The following ADAMTS17 variants were observed in gnomAD, a reference collection of about 807,000 sequenced individuals.
The protein encoded by ADAMTS17 is ADAM metallopeptidase with thrombospondin type 1 motif 17.
In ADAMTS17, 113 loss-of-function variants were observed where a neutral mutation model predicts 141.5. The ratio of observed to expected loss-of-function variants is 0.80; its 90% CI spans 0.69 to 0.93. The LOEUF (loss-of-function observed/expected upper bound fraction) is 0.93, where lower values mean the gene tolerates loss of function less well. Ranked by LOEUF, ADAMTS17 falls within the 40% of genes least tolerant of loss-of-function variation. The pLI is 0.00. For synonymous variants in ADAMTS17, 768 were observed against 630.6 expected, an observed-to-expected ratio of 1.22 and a Z score of -3.27; for missense variants, 1,659 against 1,517.9, an observed-to-expected ratio of 1.09 and a Z score of -1.54.
At chr15:100,022,945 G>A (rs2061431691) in intron 18 of ADAMTS17, among the ~76,000 whole-genome samples, 1 of 151,922 alleles carries the variant, frequency 6.6e-6, no homozygotes, top group Non-Finnish European at 1.5e-5. Context: ...CAAGTATCTT[G>A]TCACATGATC....
chr15:100,049,130 G>C (rs1173359056), intron 17 of ADAMTS17, 138 bp from the exon 18 acceptor site: 15 of 1,340,714 alleles, frequency 1.1e-5, no homozygotes, highest in Non-Finnish European at 1.5e-5. Context: ...TAAATGTCAT[G>C]TGGGTTTTTA....
rs1489610576 is a variant in ADAMTS17 at position 99,971,717 on chromosome 15, A to G, written c.*2685T>C. 6.6e-6 allele frequency: 1 copy of G among 152,230 alleles called. No individual in the cohort carries two copies. Among genetic ancestry groups the G allele is most frequent in the Non-Finnish European group, 1.5e-5 (1 of 68,046 alleles). 9.4% of individuals were successfully genotyped at this position (152,230 alleles called of 1,614,324 possible). Reference sequence around the variant, plus strand: ...ATTCTGATCCTATCCAGCAACGGTCAGCTGAGAGGGTTTAATTTTGCACCA... The same window carrying G: ...ATTCTGATCCTATCCAGCAACGGTCGGCTGAGAGGGTTTAATTTTGCACCA... On this transcript the variant is annotated 3_prime_UTR_variant, in exon 22 of 22. Transcript: ENST00000268070.
intron 15 of ADAMTS17, among the ~76,000 whole-genome samples, chr15:100,068,611 C>T (rs932125322): frequency 2.0e-5 from 3 of 152,236 alleles, no homozygotes; most frequent in African/African-American, 7.2e-5. Flanking sequence ...CGTTGTTCTG[C>T]AGCCTCTGCT....
chr15:100,242,918 T>C (rs956332375), intron 7 of ADAMTS17, among the ~76,000 whole-genome samples: 2 of 152,196 alleles, frequency 1.3e-5, no homozygotes, highest in East Asian at 3.8e-4. Flanking sequence ...ATCACCACCG[T>C]CCACCTACAG....
intron 14 of ADAMTS17, among the ~76,000 whole-genome samples, chr15:100,098,868 C>T (rs1329339893): frequency 6.6e-6 from 1 of 152,218 alleles, no homozygotes; most frequent in East Asian, 1.9e-4. Context: ...GTCTCTCCCA[C>T]TGGCCTCTTT....
intron 15 of ADAMTS17, among the ~76,000 whole-genome samples, chr15:100,064,034 T>C: frequency 6.6e-6 from 1 of 152,140 alleles, no homozygotes; most frequent in Admixed American, 6.5e-5. Flanking sequence ...AACCAGAACA[T>C]CAGCATGTGA....
At chr15:100,130,291 G>A (rs545380668) in intron 12 of ADAMTS17, among the ~76,000 whole-genome samples, 6 of 151,926 alleles carry the variant, frequency 3.9e-5, no homozygotes, top group African/African-American at 1.4e-4. Context: ...TTGAAGCAGG[G>A]AGGCGGAGGT....
intron 8 of ADAMTS17, among the ~76,000 whole-genome samples, chr15:100,156,627 T>C (rs1165694166): frequency 6.6e-6 from 1 of 152,184 alleles, no homozygotes; most frequent in Admixed American, 6.5e-5. Flanking sequence ...TGTGGCTACA[T>C]GTTGGGTTAA....
rs543118609 is a variant in ADAMTS17, at chr15:99,976,085, G to A, written c.3087C>T (p.Asn1029=). The change falls in exon 21 of 22, where the codon AAC becomes AAT. Residue 1029 remains asparagine, a synonymous_variant. Transcript: ENST00000268070. ...PYRQCYQEVC[N]DRINANTITS... ...TGATGGTGTTGGCGTTGATCCTGTC[G>A]TTGCAGACCTCCTGGTAGCACTGTC... 3.0e-5 allele frequency: 47 copies of A among 1,551,746 alleles called. No individual in the cohort carries two copies. Among genetic ancestry groups the A allele is most frequent in the Middle Eastern group, 1.7e-4 (1 of 5,988 alleles).
intron 10 of ADAMTS17, among the ~76,000 whole-genome samples, chr15:100,146,625 A>G (rs149240928): frequency 0.058 from 7,254 of 125,960 alleles, 218 homozygotes; most frequent in South Asian, 0.1. Context: ...TTCAGGGAAT[A>G]AGAGAGATAA....
intron 3 of ADAMTS17, among the ~76,000 whole-genome samples, chr15:100,320,804 G>C (rs2045710214): frequency 6.6e-6 from 1 of 152,148 alleles, no homozygotes. Context: ...CTGCACTCCA[G>C]CATGGGAGAC....
chr15:100,047,860 C>G (rs1344879902), intron 18 of ADAMTS17, among the ~76,000 whole-genome samples: 1 of 152,154 alleles, frequency 6.6e-6, no homozygotes, highest in East Asian at 1.9e-4. Context: ...CCGAGGTGCT[C>G]AAGCAGATTT....
chr15:100,110,248 TATAA>T (rs905167366), intron 13 of ADAMTS17, among the ~76,000 whole-genome samples: 4 of 145,272 alleles, frequency 2.8e-5, no homozygotes, highest in African/African-American at 7.5e-5. Flanking sequence ...TATATATATA[TATAA>T]ATACATATAT....
chr15:100,198,987 T>C (rs970505541), intron 8 of ADAMTS17, among the ~76,000 whole-genome samples: 1 of 152,238 alleles, frequency 6.6e-6, no homozygotes, highest in African/African-American at 2.4e-5. Flanking sequence ...ATGTGAATAA[T>C]AGACTTAGAG....
intron 3 of ADAMTS17, among the ~76,000 whole-genome samples, chr15:100,283,558 T>C (rs2044352075): frequency 6.6e-6 from 1 of 152,234 alleles, no homozygotes; most frequent in Non-Finnish European, 1.5e-5. Context: ...CTTCTCAAAG[T>C]CAGTGTTGAT....
chr15:100,238,497 G>A (rs1365917634), intron 7 of ADAMTS17, among the ~76,000 whole-genome samples: 2 of 152,248 alleles, frequency 1.3e-5, no homozygotes, highest in East Asian at 3.8e-4. Flanking sequence ...AAAGCAGAAT[G>A]TCGGTGAGGA....
intron 20 of ADAMTS17, among the ~76,000 whole-genome samples, chr15:99,978,156 G>C (rs996311393): frequency 6.6e-6 from 1 of 152,166 alleles, no homozygotes; most frequent in South Asian, 2.1e-4. Context: ...CTTCCTGGGG[G>C]TCATGCGGAG....
chr15:100,278,505 AAGTG>A (rs1379551151), intron 4 of ADAMTS17, among the ~76,000 whole-genome samples: 1 of 152,110 alleles, frequency 6.6e-6, no homozygotes, highest in Non-Finnish European at 1.5e-5. Flanking sequence ...CCTCCTTGGC[AAGTG>A]TACCTTGCAG....
At chr15:100,283,913 C>G (rs1342937250) in intron 3 of ADAMTS17, among the ~76,000 whole-genome samples, 1 of 152,174 alleles carries the variant, frequency 6.6e-6, no homozygotes, top group African/African-American at 2.4e-5. Context: ...TGAGACCACC[C>G]TAGCCAACCT....
Sources: allele counts gnomAD v4.1 joint callset (sites outside exome capture counted in the v4.1 genomes callset), GRCh38; gene constraint gnomAD v4.1.1; transcripts MANE v1.5; gene names NCBI Gene and HGNC (gene_info 2026-07-23, HGNC 2026-07-21).